The following PSPC1 variants were observed in gnomAD, a reference collection of about 807,000 sequenced individuals.
PSPC1 encodes paraspeckle component 1.
Under a neutral mutation model 51.6 loss-of-function variants are expected in PSPC1, and 14 were observed. That is an observed-to-expected ratio of 0.27 (90% CI 0.18 to 0.42). The LOEUF is 0.42. PSPC1 is among the 10% of genes least tolerant of loss of function. The probability of loss-of-function intolerance (pLI) is 1.00; values close to 1 mark genes in which losing one functional copy is unlikely to be tolerated. For missense variants in PSPC1, 406 were observed against 701.1 expected, an observed-to-expected ratio of 0.58 and a Z score of 4.75; for synonymous variants, 193 against 231.9, an observed-to-expected ratio of 0.83 and a Z score of 1.53.
chr13:19,765,523 C>G (rs9508881), intron 2 of PSPC1, among the ~76,000 whole-genome samples: 4 of 143,914 alleles, frequency 2.8e-5, no homozygotes, highest in African/African-American at 5.2e-5. Context: ...TTTTGAGAGA[C>G]GGGTCTCACG....
chr13:19,764,397 T>G (rs777594561), intron 2 of PSPC1, among the ~76,000 whole-genome samples: 18 of 152,270 alleles, frequency 1.2e-4, no homozygotes, highest in Non-Finnish European at 2.1e-4. Flanking sequence ...GGTATACATC[T>G]GGGGTTTTCA....
chr13:19,742,239 CAG>C (rs1885504546), intron 4 of PSPC1, among the ~76,000 whole-genome samples: 1 of 123,652 alleles, frequency 8.1e-6, no homozygotes, highest in Admixed American at 1.0e-4. Flanking sequence ...AGGTGGGCAA[CAG>C]AGTGAGATGA....
rs139874087 is a variant in PSPC1 at position 19,776,980 on chromosome 13, G to A, written c.373-4437C>T. ...ATCTCTACTAAAAATACAAAAATCAGCCTGGGCTGGTGTCATGCCTGTAAT... is the reference window on the plus strand; with the variant it reads ...ATCTCTACTAAAAATACAAAAATCAACCTGGGCTGGTGTCATGCCTGTAAT... On this transcript the variant is annotated intron_variant, in intron 1 of 8. Transcript: ENST00000338910. Among the ~76,000 whole-genome samples, 24 of 149,472 alleles carry A rather than the reference G, an allele frequency of 1.6e-4. 1 individual carries two copies. The East Asian group carries it at 4.8e-3, about 30-fold the overall frequency.
At chr13:19,707,512 G>GGA (rs1880849960) in intron 7 of PSPC1, among the ~76,000 whole-genome samples, 1 of 152,242 alleles carries the variant, frequency 6.6e-6, no homozygotes, top group East Asian at 1.9e-4. Context: ...CAACCCAACT[G>GGA]GATGATAATG....
At chr13:19,745,187 A>AC (rs1222085505) in intron 4 of PSPC1, among the ~76,000 whole-genome samples, 1 of 152,120 alleles carries the variant, frequency 6.6e-6, no homozygotes, top group East Asian at 1.9e-4. Flanking sequence ...GCATGGTGGC[A>AC]CACGCCTGTA....
chr13:19,688,655 C>T (rs1256951528), intron 6 of PSPC1, among the ~76,000 whole-genome samples: 3 of 152,178 alleles, frequency 2.0e-5, no homozygotes, highest in African/African-American at 4.8e-5. Context: ...CGTTTATCTT[C>T]GATGGAGCAA....
At chr13:19,696,635 T>A (rs1879296131) in intron 6 of PSPC1, among the ~76,000 whole-genome samples, 1 of 152,036 alleles carries the variant, frequency 6.6e-6, no homozygotes. Flanking sequence ...CAAAACAAGC[T>A]TACACCAAAG....
At chr13:19,673,789 A>G (rs1254366079), downstream of PSPC1, among the ~76,000 whole-genome samples, 1 of 152,220 alleles carries the variant, frequency 6.6e-6, no homozygotes, top group Non-Finnish European at 1.5e-5. Flanking sequence ...CGGGGGAAAA[A>G]GCCTGAGCAA....
chr13:19,760,803 A>G (rs1887542518), intron 2 of PSPC1, among the ~76,000 whole-genome samples: 1 of 151,552 alleles, frequency 6.6e-6, no homozygotes, highest in African/African-American at 2.4e-5. Flanking sequence ...CCTGACCAAC[A>G]TGGTGAAACC....
intron 4 of PSPC1, among the ~76,000 whole-genome samples, chr13:19,744,949 G>T (rs999314395): frequency 6.6e-6 from 1 of 152,122 alleles, no homozygotes; most frequent in Non-Finnish European, 1.5e-5. Context: ...AGTCATGAAG[G>T]CATCATCTAC....
intron 2 of PSPC1, among the ~76,000 whole-genome samples, chr13:19,769,992 T>G (rs1888469003): frequency 6.6e-6 from 1 of 152,178 alleles, no homozygotes; most frequent in Admixed American, 6.6e-5. Flanking sequence ...CATAGTAGCT[T>G]TATTCACAAT....
At chr13:19,779,037 G>A (rs1447231619) in intron 1 of PSPC1, among the ~76,000 whole-genome samples, 2 of 135,658 alleles carry the variant, frequency 1.5e-5, no homozygotes, top group Non-Finnish European at 3.2e-5. Context: ...CATCTGGGAT[G>A]TGAGGAGCGC....
chr13:19,755,196 A>G (rs1389155907), intron 3 of PSPC1, among the ~76,000 whole-genome samples: 1 of 151,886 alleles, frequency 6.6e-6, no homozygotes, highest in Non-Finnish European at 1.5e-5. Context: ...TGACCATGCC[A>G]TTGCACTGCA....
chr13:19,722,541 C>G (rs1026817262), intron 6 of PSPC1, among the ~76,000 whole-genome samples: 1 of 152,136 alleles, frequency 6.6e-6, no homozygotes, highest in African/African-American at 2.4e-5. Context: ...CTCCTGTAAT[C>G]CCAACACTTT....
intron 2 of PSPC1, 56 bp from the exon 3 acceptor site, chr13:19,759,474 G>T: frequency 3.4e-6 from 4 of 1,166,534 alleles, no homozygotes; most frequent in Non-Finnish European, 5.0e-6. Flanking sequence ...AATTAATACC[G>T]TCTTAAAAGA....
intron 4 of PSPC1, 54 bp from the exon 5 acceptor site, chr13:19,741,703 A>G: frequency 8.4e-7 from 1 of 1,195,082 alleles, no homozygotes; most frequent in Non-Finnish European, 1.2e-6. Flanking sequence ...CCATATTTTT[A>G]TACCAATAAG....
chr13:19,730,401 A>G, intron 5 of PSPC1, 57 bp from the exon 6 acceptor site: 1 of 1,432,750 alleles, frequency 7.0e-7, no homozygotes, highest in South Asian at 1.1e-5. Context: ...GCCATTGGAC[A>G]TTTTACTTCA....
chr13:19,694,397 A>AG (rs749851075), intron 6 of PSPC1, among the ~76,000 whole-genome samples: 37 of 152,066 alleles, frequency 2.4e-4, no homozygotes, highest in Non-Finnish European at 5.0e-4. Context: ...ACATTAAAGG[A>AG]GGGAAAAAAG....
At chr13:19,718,465 G>A (rs1186378479) in intron 6 of PSPC1, among the ~76,000 whole-genome samples, 3 of 152,168 alleles carry the variant, frequency 2.0e-5, no homozygotes, top group Admixed American at 6.5e-5. Flanking sequence ...GTGACAATCC[G>A]AAACACTGAC....
Sources: gnomAD v4.1 joint callset for allele counts (sites outside exome capture counted in the v4.1 genomes callset) on GRCh38, gnomAD v4.1.1 for gene constraint, MANE v1.5 for transcripts, NCBI Gene and HGNC (gene_info 2026-07-23, HGNC 2026-07-21) for gene names.